GRM3: variants seen among roughly 807,000 people sequenced by gnomAD.
GRM3 encodes the protein glutamate metabotropic receptor 3.
A neutral mutation model predicts 70.5 loss-of-function variants in GRM3; 26 were observed. The observed-to-expected ratio is 0.37, with a 90% CI of 0.27 to 0.51. The LOEUF (loss-of-function observed/expected upper bound fraction) is 0.51. Among genes scored for constraint, GRM3 ranks in the 20% least tolerant of loss-of-function variants. The pLI is 0.93. For missense variants in GRM3, 859 were observed against 1,123.8 expected, an observed-to-expected ratio of 0.76 and a Z score of 3.37; for synonymous variants, 443 against 434.9, an observed-to-expected ratio of 1.02 and a Z score of -0.23.
chr7:86,651,275 G>C (rs990284175), intron 1 of GRM3, among the ~76,000 whole-genome samples: 1 of 152,182 alleles, frequency 6.6e-6, no homozygotes, highest in Non-Finnish European at 1.5e-5. Context: ...ATATGTGCTA[G>C]AGTAATTAAT....
intron 3 of GRM3, among the ~76,000 whole-genome samples, chr7:86,803,997 T>C (rs1015735857): frequency 6.6e-6 from 1 of 152,148 alleles, no homozygotes; most frequent in Admixed American, 6.6e-5. Context: ...TTTACCATTT[T>C]ATAGATGAGA....
At position 86,654,565 on chromosome 7, in the gene GRM3, T is replaced by C. The variant is rs370594814; in HGVS notation, c.-141+9693T>C. Among the ~76,000 whole-genome samples, 8 of 152,318 alleles carry C rather than the reference T, an allele frequency of 5.3e-5. No homozygotes were observed. In the East Asian group the frequency reaches 1.4e-3, roughly 26 times the overall value. ...CCCCAACTAGCAACTTATTTTCTGA[T>C]TCTAAGAGAAACATGATTATTTCTC... is the stretch of plus-strand genomic sequence containing the variant. On this transcript the variant is annotated intron_variant, in intron 1 of 5. Coordinates refer to ENST00000361669, the MANE Select transcript of GRM3 (RefSeq NM_000840.3).
At position 86,839,548 on chromosome 7, in the gene GRM3, G is replaced by C; in HGVS notation, c.2034G>C (p.Gln678His). 1 of 1,608,736 alleles carries C rather than the reference G, an allele frequency of 6.2e-7. No individual in the cohort carries two copies. Among genetic ancestry groups the C allele is most frequent in the Non-Finnish European group, 8.5e-7 (1 of 1,176,906 alleles). Residue 678 changes from glutamine to histidine, a missense_variant, in exon 4 of 6, where the codon CAG becomes CAC. Coordinates refer to ENST00000361669, the MANE Select transcript of GRM3 (RefSeq NM_000840.3). This position sits in a 1 kb window ranked among gnomAD's most constrained non-coding sequence, Gnocchi z 4.5. The stretch of plus-strand genomic sequence containing the variant: ...TCGATGGGGTCAAGAATGGCGCTCA[G>C]AGGCCAAAATTCATCAGCCCCAGTT... The part of the protein sequence containing the change: ...RIFDGVKNGA[Q>H]RPKFISPSSQ...
chr7:86,841,794 T>C (rs1798563583), intron 4 of GRM3, among the ~76,000 whole-genome samples: 1 of 152,208 alleles, frequency 6.6e-6, no homozygotes, highest in African/African-American at 2.4e-5. Context: ...ATGACTTTCT[T>C]CTTTACATGA....
intron 1 of GRM3, among the ~76,000 whole-genome samples, chr7:86,720,194 T>C (rs1163069044): frequency 6.6e-6 from 1 of 151,874 alleles, no homozygotes; most frequent in Non-Finnish European, 1.5e-5. Context: ...CCTTGGTAAT[T>C]GAATGTGAGG....
chr7:86,849,192 G>A (rs976977840), intron 4 of GRM3, among the ~76,000 whole-genome samples: 5 of 152,236 alleles, frequency 3.3e-5, no homozygotes, highest in African/African-American at 9.6e-5. Flanking sequence ...ATACATATAC[G>A]TAGAAAACAA....
chr7:86,710,004 A>C (rs898879533), intron 1 of GRM3: 1 of 152,102 alleles, frequency 6.6e-6, no homozygotes, highest in Admixed American at 6.6e-5. Context: ...GCTATTAAAA[A>C]ATGGAGCTAG....
At chr7:86,683,677 G>A (rs571557183) in intron 1 of GRM3, among the ~76,000 whole-genome samples, 43 of 152,264 alleles carry the variant, frequency 2.8e-4, no homozygotes, top group Non-Finnish European at 6.0e-4. Flanking sequence ...CAGGCACCAT[G>A]CCAGACATGG....
chr7:86,706,843 A>C (rs1288925075), intron 1 of GRM3, among the ~76,000 whole-genome samples: 2 of 152,130 alleles, frequency 1.3e-5, no homozygotes, highest in Non-Finnish European at 2.9e-5. Flanking sequence ...CAATTTCATC[A>C]TATTAACAAA....
chr7:86,694,533 A>G (rs1329798545), intron 1 of GRM3, among the ~76,000 whole-genome samples: 1 of 148,952 alleles, frequency 6.7e-6, no homozygotes, highest in Non-Finnish European at 1.5e-5. Flanking sequence ...AAAAAAGAAA[A>G]GAAAGAAAGA....
chr7:86,822,292 G>A (rs1350770280), intron 3 of GRM3, among the ~76,000 whole-genome samples: 1 of 152,042 alleles, frequency 6.6e-6, no homozygotes, highest in African/African-American at 2.4e-5. Context: ...CCTTTAAGGA[G>A]TTTACAATAT....
At chr7:86,651,001 A>G (rs1287623585) in intron 1 of GRM3, among the ~76,000 whole-genome samples, 9 of 152,364 alleles carry the variant, frequency 5.9e-5, no homozygotes, top group Middle Eastern at 3.4e-3. Context: ...ATACAACAGC[A>G]TGAAACTGGA....
chr7:86,765,000 C>A lies in GRM3; in HGVS notation c.-140-6C>A. On this transcript the variant is annotated splice_region_variant and splice_polypyrimidine_tract_variant and intron_variant, in intron 1 of 5. Coordinates refer to ENST00000361669, the MANE Select transcript of GRM3 (RefSeq NM_000840.3). The stretch of plus-strand genomic sequence containing the variant: ...ATTTTTGTTCATATAATTTTTATCT[C>A]TTTAGGAATTTTGTGACAGGCTCTG... 1 of 1,460,296 alleles carries A rather than the reference C, an allele frequency of 6.8e-7. No individual in the cohort carries two copies. 90.5% of individuals were successfully genotyped at this position (1,460,296 alleles called of 1,614,324 possible).
chr7:86,788,243 A>G (rs1054104180), intron 3 of GRM3, among the ~76,000 whole-genome samples: 1 of 152,184 alleles, frequency 6.6e-6, no homozygotes, highest in Non-Finnish European at 1.5e-5. Context: ...CATCTCCCTT[A>G]TAAGTGGTCA....
At chr7:86,844,567 A>T (rs1369738623) in intron 4 of GRM3, among the ~76,000 whole-genome samples, 1 of 152,136 alleles carries the variant, frequency 6.6e-6, no homozygotes, top group Non-Finnish European at 1.5e-5. Flanking sequence ...AGTAGAAAAA[A>T]TCAGGCTGCT....
chr7:86,782,397 T>C (rs964633083), intron 2 of GRM3, among the ~76,000 whole-genome samples: 2 of 152,064 alleles, frequency 1.3e-5, no homozygotes, highest in African/African-American at 4.8e-5. Context: ...GTACTGCCAT[T>C]TCCATGTTAG....
chr7:86,735,310 G>C (rs911653717), intron 1 of GRM3, among the ~76,000 whole-genome samples: 1 of 152,044 alleles, frequency 6.6e-6, no homozygotes, highest in African/African-American at 2.4e-5. Context: ...ATTTGTTCTA[G>C]ACCTCACATA....
rs377047509 is a variant in GRM3 at position 86,712,859 on chromosome 7, T to C, written c.-140-52147T>C. On this transcript the variant is annotated intron_variant, in intron 1 of 5. Transcript: ENST00000361669. ...TAACATTTCATTGTGTATATAACAT[T>C]TTCTTTATCAATTCACTCATTGTTG... 8.1e-4 allele frequency among the ~76,000 whole-genome samples: 123 copies of C among 152,254 alleles called. No homozygotes were observed. The Middle Eastern group carries it at 0.02, about 25-fold the overall frequency.
chr7:86,716,974 C>G (rs188200520), intron 1 of GRM3, among the ~76,000 whole-genome samples: 1 of 152,100 alleles, frequency 6.6e-6, no homozygotes, highest in African/African-American at 2.4e-5. Flanking sequence ...CAAACTCTGA[C>G]TCCTCTACTT....
Sources: gnomAD v4.1 joint callset for allele counts (sites outside exome capture counted in the v4.1 genomes callset) on GRCh38, gnomAD v4.1.1 for gene constraint, Gnocchi (gnomAD v3.1) non-coding constraint, MANE v1.5 for transcripts, NCBI Gene and HGNC (gene_info 2026-07-23, HGNC 2026-07-21) for gene names.